WWOX: variants seen among roughly 807,000 people sequenced by gnomAD.
WWOX encodes the protein WW domain-containing oxidoreductase.
WWOX carries 69 observed loss-of-function variants against 46.2 expected under a neutral mutation model. That is an observed-to-expected ratio of 1.49 (90% CI 1.23 to 1.82). The LOEUF is 1.82. Among genes scored for constraint, WWOX ranks in the 40% most tolerant of loss-of-function variants. WWOX has a pLI of 0.00. For synonymous variants in WWOX, 359 were observed against 202.6 expected, an observed-to-expected ratio of 1.77 and a Z score of -6.56; for missense variants, 919 against 542.6, an observed-to-expected ratio of 1.69 and a Z score of -6.89.
At chr16:78,594,892 A>G (rs1216917463) in intron 8 of WWOX, among the ~76,000 whole-genome samples, 1 of 152,192 alleles carries the variant, frequency 6.6e-6, no homozygotes, top group Non-Finnish European at 1.5e-5. Context: ...GCCTATGCAT[A>G]TTGCAAGTAA....
At chr16:79,086,647 A>G (rs1484672009) in intron 8 of WWOX, among the ~76,000 whole-genome samples, 1 of 152,172 alleles carries the variant, frequency 6.6e-6, no homozygotes, top group Non-Finnish European at 1.5e-5. Flanking sequence ...TTGGGAGGCC[A>G]AGGTGGGAAA....
chr16:78,904,473 G>C (rs560392985), intron 8 of WWOX, among the ~76,000 whole-genome samples: 1 of 151,930 alleles, frequency 6.6e-6, no homozygotes, highest in Non-Finnish European at 1.5e-5. Flanking sequence ...TCTTGACCTT[G>C]TGATCTGCCT....
chr16:78,573,558 G>A (rs1213382280), intron 8 of WWOX, among the ~76,000 whole-genome samples: 2 of 152,160 alleles, frequency 1.3e-5, no homozygotes, highest in South Asian at 2.1e-4. Context: ...GGCTCCCTGG[G>A]CCCTCTGGGA....
At chr16:78,433,675 G>T (rs1384677346) in intron 8 of WWOX, among the ~76,000 whole-genome samples, 5 of 151,154 alleles carry the variant, frequency 3.3e-5, no homozygotes, top group Non-Finnish European at 7.4e-5. Context: ...ACTATTGCAG[G>T]CCTATTATCC....
At chr16:78,534,882 T>G (rs538316776) in intron 8 of WWOX, among the ~76,000 whole-genome samples, 2 of 151,876 alleles carry the variant, frequency 1.3e-5, no homozygotes, top group Admixed American at 6.6e-5. Context: ...CCTGGCTAAT[T>G]TTTTGTATTT....
intron 8 of WWOX, among the ~76,000 whole-genome samples, chr16:78,536,947 C>T (rs2043773845): frequency 1.4e-5 from 2 of 142,500 alleles, no homozygotes; most frequent in South Asian, 4.7e-4. Context: ...GAGAGAGTCT[C>T]ACTCTGTCAC....
chr16:78,993,414 G>C (rs921873874), intron 8 of WWOX, among the ~76,000 whole-genome samples: 8 of 152,116 alleles, frequency 5.3e-5, no homozygotes, highest in Non-Finnish European at 7.3e-5. Context: ...ACTCTGCCTC[G>C]CCTCTCCTCT....
At chr16:78,766,553 A>C (rs1222513817) in intron 8 of WWOX, among the ~76,000 whole-genome samples, 24 of 152,124 alleles carry the variant, frequency 1.6e-4, no homozygotes, top group Non-Finnish European at 2.5e-4. Flanking sequence ...GTGCTGTTGC[A>C]CTCCAGCCTG....
intron 8 of WWOX, among the ~76,000 whole-genome samples, chr16:78,477,097 C>G (rs952863267): frequency 6.6e-6 from 1 of 152,070 alleles, no homozygotes; most frequent in Admixed American, 6.6e-5. Context: ...CATAAGAGCC[C>G]TTGAAAGCAA....
At chr16:79,176,438 G>A (rs537768808) in intron 8 of WWOX, among the ~76,000 whole-genome samples, 1 of 152,280 alleles carries the variant, frequency 6.6e-6, no homozygotes, top group Non-Finnish European at 1.5e-5. Flanking sequence ...CTTTGCTCAG[G>A]AAGAAGAGCA....
At chr16:78,625,953 G>C (rs993414350) in intron 8 of WWOX, among the ~76,000 whole-genome samples, 1 of 150,304 alleles carries the variant, frequency 6.7e-6, no homozygotes, top group Non-Finnish European at 1.5e-5. Flanking sequence ...AGTAATCGCA[G>C]TTTTTGCCAT....
intron 8 of WWOX, among the ~76,000 whole-genome samples, chr16:78,808,636 G>C (rs1298874900): frequency 6.6e-6 from 1 of 152,144 alleles, no homozygotes; most frequent in Non-Finnish European, 1.5e-5. Context: ...AACTCCAACA[G>C]AAAAACATGC....
rs1567553309 is a variant in WWOX, at chr16:78,406,310, ATATATAT to A, written c.606-18559_606-18553del. ...TTACAGCATATAAATATAAATATAT[ATATATAT>A]ATATATATATATATATATATATATA... On this transcript the variant is annotated intron_variant, in intron 6 of 8. Transcript: ENST00000566780. Among the ~76,000 whole-genome samples, 152 of 33,446 alleles carry A rather than the reference ATATATAT, an allele frequency of 4.5e-3. 2 individuals carry two copies. Among genetic ancestry groups the A allele is most frequent in the Middle Eastern group, 0.024 (3 of 124 alleles). 21.9% of individuals were successfully genotyped at this position (33,446 alleles called of 152,430 possible).
intron 8 of WWOX, among the ~76,000 whole-genome samples, chr16:79,047,276 G>C (rs1165859791): frequency 6.6e-6 from 1 of 152,186 alleles, no homozygotes; most frequent in African/African-American, 2.4e-5. Flanking sequence ...AAATACTTGT[G>C]TGAGAAGCAA....
intron 8 of WWOX, among the ~76,000 whole-genome samples, chr16:78,859,050 GTATATATATATATATATATATATGA>G (rs2052652809): frequency 1.2e-4 from 5 of 40,840 alleles, no homozygotes; most frequent in African/African-American, 4.5e-4. Flanking sequence ...ATATATATAT[GTATATATATATATATATATATATGA>G]AAAAAAGGAC....
chr16:78,437,354 G>A (rs1183844689), intron 8 of WWOX, among the ~76,000 whole-genome samples: 4 of 152,150 alleles, frequency 2.6e-5, no homozygotes, highest in Admixed American at 6.5e-5. Context: ...TTTTACAATT[G>A]GATGTTCTTG....
chr16:79,012,686 G>C (rs1385670614), intron 8 of WWOX, among the ~76,000 whole-genome samples: 1 of 152,212 alleles, frequency 6.6e-6, no homozygotes, highest in Non-Finnish European at 1.5e-5. Context: ...AGAATGAATA[G>C]TCTATGGAAA....
rs535836909 is a variant in WWOX at position 78,658,897 on chromosome 16, G to A, written c.1056+226145G>A. 4.2e-5 allele frequency among the ~76,000 whole-genome samples: 6 copies of A among 143,598 alleles called. No homozygotes were observed. In the South Asian group the frequency reaches 1.3e-3, roughly 32 times the overall value. The allele number at this position is 143,598 out of a possible 152,430, so 94.2% of individuals were successfully genotyped here. A position where few individuals can be genotyped will look rare whatever the true frequency, so the allele number is the denominator to read the frequency against. On this transcript the variant is annotated intron_variant, in intron 8 of 8. Coordinates refer to ENST00000566780, the MANE Select transcript of WWOX (RefSeq NM_016373.4). Reference sequence around the variant, plus strand: ...ACTTGAGGTCAGGAGTTTGAGACCAGCCTGGCCAAAATGGCAAAACCCCTT... The same window carrying A: ...ACTTGAGGTCAGGAGTTTGAGACCAACCTGGCCAAAATGGCAAAACCCCTT...
chr16:78,144,500 CATATATAT>C (rs1206539263), intron 4 of WWOX, among the ~76,000 whole-genome samples: 5 of 21,880 alleles, frequency 2.3e-4, no homozygotes, highest in African/African-American at 8.2e-4. Context: ...CACACACACA[CATATATAT>C]ATATATATAT....
Sources: allele counts gnomAD v4.1 joint callset (sites outside exome capture counted in the v4.1 genomes callset), GRCh38; gene constraint gnomAD v4.1.1; transcripts MANE v1.5; gene names NCBI Gene and HGNC (gene_info 2026-07-23, HGNC 2026-07-21).